Variants in DDX27 observed in about 807,000 individuals in gnomAD.
DDX27 encodes the protein DEAD-box helicase 27.
Under a neutral mutation model 99.3 loss-of-function variants are expected in DDX27, and 42 were observed. The ratio of observed to expected loss-of-function variants is 0.42; its 90% CI spans 0.33 to 0.55. The LOEUF (loss-of-function observed/expected upper bound fraction) is 0.55. Ranked by LOEUF, DDX27 falls within the 20% of genes least tolerant of loss-of-function variation. The probability of loss-of-function intolerance (pLI) is 0.07; values close to 1 mark genes in which losing one functional copy is unlikely to be tolerated. For missense variants in DDX27, 798 were observed against 976.8 expected, an observed-to-expected ratio of 0.82 and a Z score of 2.44; for synonymous variants, 329 against 353.8, an observed-to-expected ratio of 0.93 and a Z score of 0.79.
intron 19 of DDX27, among the ~76,000 whole-genome samples, chr20:49,243,027 G>C (rs1175889707): frequency 5.3e-5 from 8 of 152,034 alleles, no homozygotes. Flanking sequence ...GCGAGCCCTT[G>C]GTATTCTAAT....
At chr20:49,221,729 A>C in intron 2 of DDX27, 131 bp downstream of exon 2, 1 of 703,694 alleles carries the variant, frequency 1.4e-6, no homozygotes, top group South Asian at 3.5e-5. Context: ...TTTGAAAATA[A>C]CTGGTTAAAA....
rs1979833433 is a variant in DDX27 at position 49,225,109 on chromosome 20, G to A, written c.514-4G>A. 6.2e-7 allele frequency: 1 copy of A among 1,613,664 alleles called. No homozygotes were observed. Among genetic ancestry groups the A allele is most frequent in the Non-Finnish European group, 8.5e-7 (1 of 1,179,668 alleles). On this transcript the variant is annotated splice_region_variant and splice_polypyrimidine_tract_variant and intron_variant, in intron 5 of 20. Transcript: ENST00000618172. The stretch of plus-strand genomic sequence containing the variant: ...CTCTTCTCTCTTTTGGTTTTCTGGT[G>A]TAGGAAGCAGGAGGATTTTTTGAAG...
Position 49,236,059 on chromosome 20 carries a change from TG to T in DDX27, c.1428-90del. 7.9e-7 allele frequency: 1 copy of T among 1,262,124 alleles called. No homozygotes were observed. Among genetic ancestry groups the T allele is most frequent in the Non-Finnish European group, 1.1e-6 (1 of 906,516 alleles). 78.2% of individuals were successfully genotyped at this position (1,262,124 alleles called of 1,614,324 possible). A position where few individuals can be genotyped will look rare whatever the true frequency, so the allele number is the denominator to read the frequency against. Reference sequence around the variant, plus strand: ...TGCCCAGCCTCTATCCCCATTTTAATGCCCTGTTCTGTCCTCTGCTGGCTCA... The same window carrying T: ...TGCCCAGCCTCTATCCCCATTTTAATCCCTGTTCTGTCCTCTGCTGGCTCA... On this transcript the variant is annotated intron_variant, in intron 12 of 20. Transcript: ENST00000618172. The surrounding 1 kb of genome is among the most constrained non-coding windows in gnomAD (Gnocchi z 4.1).
At position 49,236,155 on chromosome 20, in the gene DDX27, T is replaced by G. The variant is rs1472933264; in HGVS notation, c.1433T>G (p.Phe478Cys). ...CTGTTTGTGACTGTTTCTAGGCGTT[T>G]TAAGGATGAACAGATTGACATCCTC... is the stretch of plus-strand genomic sequence containing the variant. ...QTQRLEALRR[F>C]KDEQIDILVA... The change falls in exon 13 of 21, where the codon TTT (phenylalanine) becomes TGT (cysteine). Residue 478 changes from phenylalanine (F) to cysteine (C), a missense_variant. Physicochemically the swap from Phe to Cys is radical, Grantham distance 205 (BLOSUM62 -2). Transcript: ENST00000618172. The surrounding 1 kb of genome is among the most constrained non-coding windows in gnomAD (Gnocchi z 4.1). 5 of 1,610,770 alleles carry G rather than the reference T, an allele frequency of 3.1e-6. No individual in the cohort carries two copies. Among genetic ancestry groups the G allele is most frequent in the Non-Finnish European group, 4.2e-6 (5 of 1,178,614 alleles).
rs547302777 is a variant in DDX27, at chr20:49,239,698, A to G, written c.1897+360A>G. On this transcript the variant is annotated intron_variant, in intron 16 of 20. Transcript: ENST00000618172. ...TAATACGCCATGGACTGGAACCGGT[A>G]TGCAGCCTGGGGTTGGGGACCACTG... Among the ~76,000 whole-genome samples the G allele has an allele frequency of 8.1e-5, 7 of 86,354 alleles. No homozygotes were observed. The East Asian group carries it at 1.1e-3, about 14-fold the overall frequency. 56.7% of individuals were successfully genotyped at this position (86,354 alleles called of 152,430 possible). A position where few individuals can be genotyped will look rare whatever the true frequency, so the allele number is the denominator to read the frequency against.
intron 19 of DDX27, 120 bp from the exon 20 acceptor site, chr20:49,243,509 C>T (rs757476721): frequency 5.9e-6 from 5 of 852,226 alleles, no homozygotes; most frequent in Non-Finnish European, 9.7e-6. Context: ...AACTTAGGGC[C>T]TGAAAATGAT....
intron 9 of DDX27, among the ~76,000 whole-genome samples, chr20:49,232,266 A>G (rs879661095): frequency 5.3e-5 from 8 of 152,152 alleles, no homozygotes; most frequent in Non-Finnish European, 8.8e-5. Context: ...AGATGCAGGA[A>G]GACTAGAGAC....
chr20:49,238,613 G>A (rs1215225711), intron 14 of DDX27: 1 of 265,622 alleles, frequency 3.8e-6, no homozygotes, highest in Non-Finnish European at 7.2e-6. Context: ...GATTACAGGC[G>A]TGTGCCCCCA....
intron 4 of DDX27, 36 bp from the exon 5 acceptor site, chr20:49,224,909 C>A: frequency 6.2e-7 from 1 of 1,612,926 alleles, no homozygotes; most frequent in South Asian, 1.1e-5. Flanking sequence ...CTTTGTAAGT[C>A]TGAGCCGTGG....
chr20:49,220,754 T>C (rs1426119567), intron 1 of DDX27, among the ~76,000 whole-genome samples: 2 of 151,768 alleles, frequency 1.3e-5, no homozygotes, highest in African/African-American at 2.4e-5. Flanking sequence ...TGATGCGGGG[T>C]GTGTTTGTCA....
At chr20:49,223,997 G>A (rs1460790530) in intron 4 of DDX27, among the ~76,000 whole-genome samples, 1 of 151,926 alleles carries the variant, frequency 6.6e-6, no homozygotes, top group Admixed American at 6.6e-5. Context: ...TCCTGCTTTA[G>A]CTTCCTAAGT....
chr20:49,243,590 A>T (rs1210449976), intron 19 of DDX27, 39 bp from the exon 20 acceptor site: 5 of 1,597,476 alleles, frequency 3.1e-6, no homozygotes, highest in Admixed American at 3.3e-5. Context: ...CCATTTGTTC[A>T]ACAGTTTGCT....
intron 6 of DDX27, 32 bp from the exon 7 acceptor site, chr20:49,226,398 A>G: frequency 6.3e-7 from 1 of 1,586,882 alleles, no homozygotes; most frequent in Non-Finnish European, 8.6e-7. Context: ...TCCCCCGCTC[A>G]ACCCTGTCTG....
rs1233508709 is a variant in DDX27 at position 49,243,673 on chromosome 20, G to C, written c.2249G>C (p.Arg750Thr). ...AAACAGTTGGGCTTGCCCCACCAGA[G>C]ACGAGGAGGAAACTTTAAATCTAAA... ...ERKQLGLPHQ[R>T]RGGNFKSKSR... Residue 750 changes from arginine to threonine, a missense_variant, in exon 20 of 21, where the codon AGA becomes ACA. By Grantham distance (71) the Arg-to-Thr change is moderately conservative. Around this residue, in one of 2 missense-constraint regions of DDX27, gnomAD observed 553 missense variants for 727.9 expected, o/e 0.76. Coordinates refer to ENST00000618172, the MANE Select transcript of DDX27 (RefSeq NM_017895.8). 3.7e-6 allele frequency: 6 copies of C among 1,614,212 alleles called. No individual in the cohort carries two copies. The highest frequency in any genetic ancestry group is 5.1e-6 in the Non-Finnish European group (6 of 1,180,046).
intron 16 of DDX27, 91 bp downstream of exon 16, chr20:49,239,429 C>T (rs757160825): frequency 1.4e-5 from 13 of 919,814 alleles, no homozygotes; most frequent in Middle Eastern, 2.3e-4. Context: ...TGTAAAGCAG[C>T]GGTCCCCAAC....
Position 49,236,121 on chromosome 20 carries a change from G to C in DDX27, c.1428-29G>C. ...GAGCATTATTAGGGGAGGGTGTCTG[G>C]ATGAACAGCTGTTTGTGACTGTTTC... is the stretch of plus-strand genomic sequence containing the variant. On this transcript the variant is annotated intron_variant, in intron 12 of 20. Transcript: ENST00000618172. The surrounding 1 kb of genome is among the most constrained non-coding windows in gnomAD (Gnocchi z 4.1). 6.3e-7 allele frequency: 1 copy of C among 1,590,696 alleles called. No homozygotes were observed. The highest frequency in any genetic ancestry group is 1.7e-5 in the Admixed American group (1 of 57,172).
intron 14 of DDX27, 55 bp from the exon 15 acceptor site, chr20:49,238,894 C>A: frequency 7.5e-7 from 1 of 1,336,510 alleles, no homozygotes; most frequent in Non-Finnish European, 1.1e-6. Context: ...CAGGTGTGAG[C>A]CACCATGCCT....
intron 7 of DDX27, among the ~76,000 whole-genome samples, chr20:49,228,484 G>C (rs1396519491): frequency 6.6e-6 from 1 of 152,148 alleles, no homozygotes; most frequent in Non-Finnish European, 1.5e-5. Context: ...TGTTGGCCAG[G>C]CTGGTCTTGA....
chr20:49,221,380 G>A, intron 1 of DDX27, 72 bp from the exon 2 acceptor site: 1 of 1,587,410 alleles, frequency 6.3e-7, no homozygotes, highest in Non-Finnish European at 8.6e-7. Context: ...GAGCCACTGT[G>A]CCTGGCCCCT....
Sources: allele counts gnomAD v4.1 joint callset (sites outside exome capture counted in the v4.1 genomes callset), GRCh38; gene constraint gnomAD v4.1.1; regional missense constraint gnomAD v4.1.1; non-coding constraint Gnocchi (gnomAD v3.1); transcripts MANE v1.5; gene names NCBI Gene and HGNC (gene_info 2026-07-23, HGNC 2026-07-21).